FAM131C: variants seen among roughly 807,000 people sequenced by gnomAD.
FAM131C encodes protein FAM131C.
In FAM131C, 14 loss-of-function variants were observed where a neutral mutation model predicts 29.8. That is an observed-to-expected ratio of 0.47 (90% CI 0.31 to 0.73). The LOEUF (loss-of-function observed/expected upper bound fraction) is 0.73, where lower values mean the gene tolerates loss of function less well. FAM131C is among the 30% of genes least tolerant of loss of function. The pLI is 0.05. For missense variants in FAM131C, 252 were observed against 383.8 expected (o/e 0.66, Z 2.87); for synonymous variants, 86 against 157.8 (o/e 0.54, Z 3.41).
At chr1:16,069,445 T>C (rs1314713633) in intron 1 of FAM131C, among the ~76,000 whole-genome samples, 1 of 152,140 alleles carries the variant, frequency 6.6e-6, no homozygotes, top group Non-Finnish European at 1.5e-5. Flanking sequence ...GATGTCTGAG[T>C]TTCCAGAAGA....
intron 3 of FAM131C, 55 bp downstream of exon 3, chr1:16,062,444 G>C (rs749315158): frequency 2.3e-4 from 367 of 1,562,868 alleles, no homozygotes; most frequent in Non-Finnish European, 3.1e-4. Context: ...AAAGGATGGA[G>C]GGGCCGTGGT....
intron 1 of FAM131C, among the ~76,000 whole-genome samples, chr1:16,070,547 T>C (rs539269761): frequency 7.6e-4 from 116 of 152,208 alleles, no homozygotes; most frequent in African/African-American, 2.7e-3. Flanking sequence ...ATCCCAGCAC[T>C]TTGGGAGGCC....
intron 1 of FAM131C, 141 bp downstream of exon 1, chr1:16,073,280 C>T (rs964683551): frequency 5.0e-6 from 2 of 398,630 alleles, no homozygotes; most frequent in Non-Finnish European, 8.2e-6. Context: ...GCTCTGTCCC[C>T]CTCAGGACGC....
At chr1:16,067,716 A>G (rs111898203) in intron 1 of FAM131C, among the ~76,000 whole-genome samples, 85 of 152,278 alleles carry the variant, frequency 5.6e-4, no homozygotes, top group African/African-American at 1.9e-3. Flanking sequence ...CCTCCCAGAC[A>G]GTTCCTCCTG....
chr1:16,062,380 G>GCCCCCCCCCCCCCCC, intron 3 of FAM131C, 119 bp downstream of exon 3: 128 of 860,102 alleles, frequency 1.5e-4, no homozygotes, highest in Middle Eastern at 3.7e-4. Flanking sequence ...GTTTCATCAG[G>GCCCCCCCCCCCCCCC]CCCCCCCCCC....
intron 1 of FAM131C, among the ~76,000 whole-genome samples, chr1:16,069,354 G>A (rs1477724661): frequency 6.6e-6 from 1 of 152,234 alleles, no homozygotes; most frequent in Non-Finnish European, 1.5e-5. Flanking sequence ...AGTGCCTGGT[G>A]TAGGACTGCT....
chr1:16,061,660 G>C (rs193162458), intron 4 of FAM131C, among the ~76,000 whole-genome samples: 1 of 152,158 alleles, frequency 6.6e-6, no homozygotes, highest in East Asian at 1.9e-4. Context: ...AGGTGGGCAG[G>C]GCTAGACTCC....
chr1:16,063,661 A>G (rs767556565), intron 1 of FAM131C, 25 bp from the exon 2 acceptor site: 24 of 1,512,752 alleles, frequency 1.6e-5, no homozygotes, highest in African/African-American at 2.8e-5. Context: ...AAGAGGAGGA[A>G]CTCAGCAAAG....
chr1:16,060,976 T>G lies in FAM131C; in HGVS notation c.269-925A>C, dbSNP rs546227034. Among the ~76,000 whole-genome samples the G allele has an allele frequency of 1.9e-3, 289 of 151,216 alleles. 1 individual carries two copies. Among genetic ancestry groups the G allele is most frequent in the African/African-American group, 6.8e-3 (278 of 41,176 alleles). On this transcript the variant is annotated intron_variant, in intron 4 of 6. Coordinates refer to ENST00000375662, the MANE Select transcript of FAM131C (RefSeq NM_182623.3). ...GAGGAGGGGTCGGGGGCTTTGGGAG[T>G]AGAGCTGTTGTATGCGGAAGATGGA...
chr1:16,069,573 C>A (rs2023726692), intron 1 of FAM131C, among the ~76,000 whole-genome samples: 1 of 152,206 alleles, frequency 6.6e-6, no homozygotes, highest in Non-Finnish European at 1.5e-5. Context: ...AGGGCTGGGG[C>A]ATGAGTGAGG....
Position 16,073,462 on chromosome 1 carries a change from G to T in FAM131C, c.-20C>A. On this transcript the variant is annotated 5_prime_UTR_variant, in exon 1 of 7. Transcript: ENST00000375662. ...GCCCATCACGGGGCCGCGGGGCCGG[G>T]CCGCTGCGCCCGGGGTGCGTGGGGC... The T allele has an allele frequency of 8.3e-7, 1 of 1,201,548 alleles. No homozygotes were observed. Among genetic ancestry groups the T allele is most frequent in the Non-Finnish European group, 1.0e-6 (1 of 967,658 alleles). 74.4% of individuals were successfully genotyped at this position (1,201,548 alleles called of 1,614,324 possible). A position where few individuals can be genotyped will look rare whatever the true frequency, so the allele number is the denominator to read the frequency against.
rs940192635 is a variant in FAM131C at position 16,073,457 on chromosome 1, G to GCCGGGCCGCTGCGC, written c.-29_-16dup. On this transcript the variant is annotated 5_prime_UTR_variant, in exon 1 of 7. Coordinates refer to ENST00000375662, the MANE Select transcript of FAM131C (RefSeq NM_182623.3). ...CAGGAGCCCATCACGGGGCCGCGGG[G>GCCGGGCCGCTGCGC]CCGGGCCGCTGCGCCCGGGGTGCGT... The GCCGGGCCGCTGCGC allele has an allele frequency of 3.3e-6, 4 of 1,204,568 alleles. No homozygotes were observed. Among genetic ancestry groups the GCCGGGCCGCTGCGC allele is most frequent in the Non-Finnish European group, 4.1e-6 (4 of 970,012 alleles). The allele number at this position is 1,204,568 out of a possible 1,614,324, so 74.6% of individuals were successfully genotyped here.
At chr1:16,059,213 C>A (rs1216129513) in intron 6 of FAM131C, among the ~76,000 whole-genome samples, 3 of 122,224 alleles carry the variant, frequency 2.5e-5, no homozygotes, top group Non-Finnish European at 5.6e-5. Context: ...AGACCCACTC[C>A]CTAGGGCTGC....
At chr1:16,065,931 G>A (rs542277765) in intron 1 of FAM131C, among the ~76,000 whole-genome samples, 5 of 151,674 alleles carry the variant, frequency 3.3e-5, no homozygotes, top group South Asian at 4.2e-4. Flanking sequence ...ACAGAATCTC[G>A]CTCTGTCACC....
chr1:16,061,492 C>G (rs756740445), intron 4 of FAM131C, among the ~76,000 whole-genome samples: 35 of 152,140 alleles, frequency 2.3e-4, no homozygotes, highest in Non-Finnish European at 5.0e-4. Flanking sequence ...GAGAACCGCC[C>G]TGAGCTCCTG....
At chr1:16,068,084 G>A (rs891272233) in intron 1 of FAM131C, among the ~76,000 whole-genome samples, 6 of 152,208 alleles carry the variant, frequency 3.9e-5, no homozygotes, top group African/African-American at 1.4e-4. Context: ...GGGCTTCTCT[G>A]CTCAGCTTCT....
intron 1 of FAM131C, among the ~76,000 whole-genome samples, chr1:16,069,761 A>G (rs373555273): frequency 5.3e-5 from 8 of 152,270 alleles, no homozygotes; most frequent in Admixed American, 3.3e-4. Flanking sequence ...CTGGCCATAT[A>G]CTTAGCACCT....
chr1:16,062,211 G>A lies in FAM131C; in HGVS notation c.175-19C>T, dbSNP rs1356363834. On this transcript the variant is annotated intron_variant, in intron 3 of 6. Transcript: ENST00000375662. ...AGCACCTCTGGAGGAAGTGGCAGGA[G>A]GAGTGAGCAGGGTGGGCCAGGCTGC... 7.5e-6 allele frequency: 12 copies of A among 1,606,822 alleles called. No homozygotes were observed. The highest frequency in any genetic ancestry group is 4.0e-5 in the African/African-American group (3 of 74,864).
chr1:16,072,223 C>G (rs542022703), intron 1 of FAM131C, among the ~76,000 whole-genome samples: 2 of 152,206 alleles, frequency 1.3e-5, no homozygotes, highest in Non-Finnish European at 2.9e-5. Context: ...ACAGCCTGAC[C>G]CTGTACCTTC....
Sources: allele counts gnomAD v4.1 joint callset (sites outside exome capture counted in the v4.1 genomes callset), GRCh38; gene constraint gnomAD v4.1.1; transcripts MANE v1.5; gene names NCBI Gene and HGNC (gene_info 2026-07-23, HGNC 2026-07-21).